The following AFM variants were observed in gnomAD, a reference collection of about 807,000 sequenced individuals.
AFM encodes afamin.
Under a neutral mutation model 68.7 loss-of-function variants are expected in AFM, and 82 were observed. The ratio of observed to expected loss-of-function variants is 1.19; its 90% confidence interval spans 1.00 to 1.43. AFM has a LOEUF of 1.43. AFM is among the 40% of genes most tolerant of loss of function. The probability of loss-of-function intolerance (pLI) is 0.00; values close to 1 mark genes in which losing one functional copy is unlikely to be tolerated. For missense variants in AFM, 772 were observed against 701.8 expected (o/e 1.10, Z -1.13); for synonymous variants, 250 against 234.2 (o/e 1.07, Z -0.61).
At chr4:73,503,214 C>A in intron 14 of AFM, 104 bp downstream of exon 14, 1 of 890,868 alleles carries the variant, frequency 1.1e-6, no homozygotes. Flanking sequence ...GTTCATCCTA[C>A]ATGAACAAGA....
Position 73,500,102 on chromosome 4 carries a change from GC to G in AFM, c.1524del (p.Cys509AlafsTer5), listed in dbSNP as rs1721386621. Reference sequence around the variant, plus strand: ...GTAAAACAAACTTTGCCTTCAGAAGGCCCTGCTTTGAGAGTTTGAAAGCTGA... The same window carrying G: ...GTAAAACAAACTTTGCCTTCAGAAGGCCTGCTTTGAGAGTTTGAAAGCTGA... ...CCKTNFAFRR[P>X]CFESLKADKT... On this transcript the variant is annotated frameshift_variant, in exon 12 of 15. Coordinates refer to ENST00000226355, the MANE Select transcript of AFM (RefSeq NM_001133.2). LOFTEE classifies it high-confidence loss of function. 7 of 1,614,016 alleles carry G rather than the reference GC, an allele frequency of 4.3e-6. No homozygotes were observed. In the Middle Eastern group the frequency reaches 6.6e-4, roughly 152 times the overall value.
At chr4:73,503,432 CTGAATGT>C in intron 14 of AFM, among the ~76,000 whole-genome samples, 1 of 152,172 alleles carries the variant, frequency 6.6e-6, no homozygotes, top group Non-Finnish European at 1.5e-5. Context: ...GATGGAACCT[CTGAATGT>C]TGACAGAAAG....
chr4:73,486,936 G>C (rs192659517), intron 4 of AFM, 31 bp from the exon 5 acceptor site: 2 of 1,583,736 alleles, frequency 1.3e-6, no homozygotes, highest in Non-Finnish European at 1.7e-6. Flanking sequence ...TCCCTCACCC[G>C]TCTTCTCTCT....
chr4:73,494,234 A>G (rs1288168436), intron 8 of AFM, among the ~76,000 whole-genome samples: 1 of 152,092 alleles, frequency 6.6e-6, no homozygotes, highest in Non-Finnish European at 1.5e-5. Context: ...GAAGCTGGAG[A>G]GATGGTTTCA....
At chr4:73,493,308 G>T (rs926693242) in intron 8 of AFM, among the ~76,000 whole-genome samples, 3 of 152,226 alleles carry the variant, frequency 2.0e-5, no homozygotes, top group Non-Finnish European at 4.4e-5. Context: ...CTCATCTGAA[G>T]AAAATCCCAG....
At position 73,499,256 on chromosome 4, in the gene AFM, G is replaced by T. The variant is rs780430227; in HGVS notation, c.1422+10G>T. 1.9e-6 allele frequency: 3 copies of T among 1,594,378 alleles called. No individual in the cohort carries two copies. The highest frequency in any genetic ancestry group is 2.3e-5 in the South Asian group (2 of 88,348). On this transcript the variant is annotated intron_variant, in intron 11 of 14. Coordinates refer to ENST00000226355, the MANE Select transcript of AFM (RefSeq NM_001133.2). ...CTGTGTTGATAATTTGGTGAGCATGGCCTGTGTACCAGACTACTCTTTTTT... is the reference window on the plus strand; with the variant it reads ...CTGTGTTGATAATTTGGTGAGCATGTCCTGTGTACCAGACTACTCTTTTTT...
intron 11 of AFM, 32 bp downstream of exon 11, chr4:73,499,278 T>A (rs545985411): frequency 1.5e-6 from 2 of 1,310,654 alleles, no homozygotes; most frequent in Non-Finnish European, 2.0e-6. Context: ...GACTACTCTT[T>A]TTTTTTTTTT....
At position 73,498,236 on chromosome 4, in the gene AFM, TC is replaced by T. The variant is rs199702938; in HGVS notation, c.1289+488del. Among the ~76,000 whole-genome samples, 753 of 152,044 alleles carry T rather than the reference TC, an allele frequency of 5.0e-3. 6 individuals carry two copies. Among genetic ancestry groups the T allele is most frequent in the Non-Finnish European group, 7.7e-3 (525 of 67,966 alleles). ...GAATAATATGCAGTTTGGGTTTTTT[TC>T]AATTATTATGTCAATGTATTTTATT... On this transcript the variant is annotated intron_variant, in intron 10 of 14. Transcript: ENST00000226355.
At chr4:73,491,783 G>A (rs529753676) in intron 7 of AFM, 89 bp from the exon 8 acceptor site, 10 of 1,060,360 alleles carry the variant, frequency 9.4e-6, no homozygotes, top group South Asian at 5.7e-5. Context: ...CAGATGCTGC[G>A]ATCATGACTG....
At chr4:73,498,229 G>GT (rs891968787) in intron 10 of AFM, among the ~76,000 whole-genome samples, 2 of 151,474 alleles carry the variant, frequency 1.3e-5, no homozygotes, top group African/African-American at 4.9e-5. Context: ...TGCAGTTTGG[G>GT]TTTTTTTCAA....
intron 8 of AFM, among the ~76,000 whole-genome samples, chr4:73,493,804 A>C: frequency 6.6e-6 from 1 of 152,218 alleles, no homozygotes; most frequent in East Asian, 1.9e-4. Context: ...AATTAAACAA[A>C]ATGATAGATT....
At position 73,495,305 on chromosome 4, in the gene AFM, CTT is replaced by C. The variant is rs1721222526; in HGVS notation, c.1067_1068del (p.Phe356Ter). ...CAAAATTTTACACATTGCAGGTTTA[CTT>C]TTGAATACTCAAGGAGACATCCAGA... On this transcript the variant is annotated frameshift_variant, in exon 9 of 15. Transcript: ENST00000226355. LOFTEE classifies it high-confidence loss of function. 6.3e-7 allele frequency: 1 copy of C among 1,578,032 alleles called. No homozygotes were observed. The highest frequency in any genetic ancestry group is 8.5e-7 in the Non-Finnish European group (1 of 1,169,810).
At chr4:73,497,239 A>G (rs1721281690) in intron 9 of AFM, among the ~76,000 whole-genome samples, 1 of 152,202 alleles carries the variant, frequency 6.6e-6, no homozygotes, top group South Asian at 2.1e-4. Context: ...ATGTTCTGTA[A>G]CAACACTTAC....
rs1367050444 is a variant in AFM, at chr4:73,488,742, C to T, written c.826C>T (p.Gln276Ter). 2 of 1,611,740 alleles carry T rather than the reference C, an allele frequency of 1.2e-6. No individual in the cohort carries two copies. ...YDGCCEGDVV[Q>*]CIRDTSKVMN... ...TGGATGCTGTGAAGGGGATGTTGTGCAGTGCATCCGTGACACGGTGAATAT... is the reference window on the plus strand; with the variant it reads ...TGGATGCTGTGAAGGGGATGTTGTGTAGTGCATCCGTGACACGGTGAATAT... The change falls in exon 7 of 15, where the codon CAG becomes TAG. Residue 276 changes from glutamine (Q) to a stop codon, truncating the protein, a stop_gained. Transcript: ENST00000226355. LOFTEE classifies it high-confidence loss of function.
chr4:73,482,615 T>C (rs1449316443), intron 1 of AFM, among the ~76,000 whole-genome samples: 1 of 152,204 alleles, frequency 6.6e-6, no homozygotes, highest in Non-Finnish European at 1.5e-5. Context: ...TAACAACCTG[T>C]TTCAAAATCT....
intron 13 of AFM, 36 bp from the exon 14 acceptor site, chr4:73,503,005 TAAATTTTTC>T: frequency 6.3e-7 from 1 of 1,594,216 alleles, no homozygotes; most frequent in Non-Finnish European, 8.6e-7. Flanking sequence ...ACTAGTGTCT[TAAATTTTTC>T]TTCCTATGTG....
At chr4:73,484,118 C>A in intron 2 of AFM, 129 bp downstream of exon 2, 1 of 1,381,664 alleles carries the variant, frequency 7.2e-7, no homozygotes, top group East Asian at 2.5e-5. Flanking sequence ...TTATAAAATT[C>A]AGGCAAAGAA....
At chr4:73,483,898 G>A in intron 1 of AFM, 43 bp from the exon 2 acceptor site, 1 of 1,456,118 alleles carries the variant, frequency 6.9e-7, no homozygotes, top group Non-Finnish European at 9.4e-7. Context: ...AAAAATGTTA[G>A]AAAACCATGC....
At chr4:73,496,209 A>G (rs1721250309) in intron 9 of AFM, among the ~76,000 whole-genome samples, 1 of 152,120 alleles carries the variant, frequency 6.6e-6, no homozygotes, top group South Asian at 2.1e-4. Flanking sequence ...CTAGTCCTTG[A>G]CTCTTCTTGT....
Sources: gnomAD v4.1 joint callset for allele counts (sites outside exome capture counted in the v4.1 genomes callset) on GRCh38, gnomAD v4.1.1 for gene constraint, MANE v1.5 for transcripts, NCBI Gene and HGNC (gene_info 2026-07-23, HGNC 2026-07-21) for gene names.